Variants in TENM4 observed in about 807,000 individuals in gnomAD.
TENM4 encodes teneurin-4.
In TENM4, 82 loss-of-function variants were observed where a neutral mutation model predicts 243.3. The ratio of observed to expected loss-of-function variants is 0.34; its 90% CI spans 0.28 to 0.40. The LOEUF is 0.40. Ranked by LOEUF, TENM4 falls within the 10% of genes least tolerant of loss-of-function variation. The pLI, the probability that TENM4 is intolerant of heterozygous loss-of-function variation, is 1.00. For missense variants in TENM4, 3,138 were observed against 3,673.3 expected (o/e 0.85, Z 3.77); for synonymous variants, 1,412 against 1,456.3 (o/e 0.97, Z 0.69).
intron 4 of TENM4, among the ~76,000 whole-genome samples, chr11:79,123,370 G>C (rs186210283): frequency 5.7e-4 from 87 of 152,284 alleles, no homozygotes; most frequent in Non-Finnish European, 9.3e-4. Flanking sequence ...AAGTGATGGA[G>C]CTGGGGTTCA....
At chr11:78,777,516 A>G (rs998118128) in intron 17 of TENM4, among the ~76,000 whole-genome samples, 1 of 152,236 alleles carries the variant, frequency 6.6e-6, no homozygotes, top group African/African-American at 2.4e-5. Context: ...AATAAGAATA[A>G]GAATATGATG....
chr11:79,015,142 T>C (rs998809296), intron 6 of TENM4, among the ~76,000 whole-genome samples: 3 of 152,198 alleles, frequency 2.0e-5, no homozygotes, highest in African/African-American at 7.2e-5. Context: ...ACTAAGGACT[T>C]ACTGCCTGCC....
intron 1 of TENM4, among the ~76,000 whole-genome samples, chr11:79,382,978 C>T (rs1389062279): frequency 1.3e-5 from 2 of 152,268 alleles, no homozygotes; most frequent in East Asian, 3.9e-4. Flanking sequence ...TGCCTGTGGC[C>T]TCCTGGGTCT....
At chr11:78,852,201 A>G (rs137881426) in intron 12 of TENM4, among the ~76,000 whole-genome samples, 1 of 152,218 alleles carries the variant, frequency 6.6e-6, no homozygotes, top group Admixed American at 6.5e-5. Context: ...TAATTTCTAC[A>G]TCAGAGCTAG....
chr11:78,839,434 T>C (rs1565401094), intron 12 of TENM4, among the ~76,000 whole-genome samples: 1 of 152,206 alleles, frequency 6.6e-6, no homozygotes, highest in Non-Finnish European at 1.5e-5. Context: ...TCATTATATT[T>C]CATAAGTGGT....
At position 78,670,262 on chromosome 11, in the gene TENM4, G is replaced by A. The variant is rs1337892501; in HGVS notation, c.6083C>T (p.Thr2028Ile). 2 of 1,613,844 alleles carry A rather than the reference G, an allele frequency of 1.2e-6. No individual in the cohort carries two copies. Among genetic ancestry groups the A allele is most frequent in the Non-Finnish European group, 1.7e-6 (2 of 1,179,890 alleles). ...SKLAETLYDT[T>I]KVSFTYDETA... ...CTCGTCATAGGTGAAACTGACCTTG[G>A]TGGTGTCATAGAGCGTCTCTGCCAG... Residue 2028 changes from threonine (T) to isoleucine (I), a missense_variant, in exon 32 of 34, where the codon ACC becomes ATC. By Grantham distance (89) the Thr-to-Ile change is moderately conservative (BLOSUM62 -1). Around this residue, in one of 2 missense-constraint regions of TENM4, gnomAD observed 2,467 missense variants for 3,059.1 expected, o/e 0.81. Coordinates refer to ENST00000278550, the MANE Select transcript of TENM4 (RefSeq NM_001098816.3).
chr11:79,266,981 A>T (rs1855893990), intron 2 of TENM4, among the ~76,000 whole-genome samples: 1 of 152,188 alleles, frequency 6.6e-6, no homozygotes, highest in Non-Finnish European at 1.5e-5. Context: ...TGGATATCTT[A>T]TAGGAGTTTC....
chr11:79,295,418 G>A (rs1173420279), intron 2 of TENM4, among the ~76,000 whole-genome samples: 1 of 152,156 alleles, frequency 6.6e-6, no homozygotes, highest in East Asian at 1.9e-4. Flanking sequence ...ATTCTGCTGA[G>A]AGCCTGCAGT....
intron 3 of TENM4, among the ~76,000 whole-genome samples, chr11:79,183,378 T>C (rs1863320847): frequency 6.6e-6 from 1 of 152,148 alleles, no homozygotes; most frequent in Non-Finnish European, 1.5e-5. Context: ...AAAAGATCAG[T>C]GGTTGCCAGG....
At chr11:78,674,934 C>T (rs868784680) in intron 30 of TENM4, among the ~76,000 whole-genome samples, 6 of 151,864 alleles carry the variant, frequency 4.0e-5, no homozygotes, top group East Asian at 3.9e-4. Context: ...GGCGCGATCT[C>T]GGCTCATTGC....
At position 78,732,511 on chromosome 11, in the gene TENM4, T is replaced by A; in HGVS notation, c.2943A>T (p.Thr981=). Residue 981 remains threonine, a synonymous_variant, in exon 21 of 34, where the codon ACA becomes ACT. Coordinates refer to ENST00000278550, the MANE Select transcript of TENM4 (RefSeq NM_001098816.3). ...ATGGCAGCCACAGGGTGTGCTCCTG[T>A]GTGATGAAAGGTGCCCGCTCGAACC... ...ILRFERAPFI[T]QEHTLWLPWD... is the part of the protein sequence containing the mutation. 6.2e-7 allele frequency: 1 copy of A among 1,613,398 alleles called. No homozygotes were observed.
intron 1 of TENM4, among the ~76,000 whole-genome samples, chr11:79,335,756 C>T (rs568530778): frequency 6.6e-6 from 1 of 152,270 alleles, no homozygotes; most frequent in South Asian, 2.1e-4. Context: ...AAATGTTTTG[C>T]ACAAAGAGGA....
chr11:78,788,339 A>G (rs1054485543), intron 15 of TENM4, among the ~76,000 whole-genome samples: 2 of 152,238 alleles, frequency 1.3e-5, no homozygotes, highest in African/African-American at 4.8e-5. Flanking sequence ...CCTGCCAAGC[A>G]CATTACCTCA....
At chr11:79,359,817 C>T (rs1394297430) in intron 1 of TENM4, among the ~76,000 whole-genome samples, 2 of 152,048 alleles carry the variant, frequency 1.3e-5, no homozygotes, top group African/African-American at 4.8e-5. Context: ...GGTGGTATCC[C>T]CAGAGAGCTC....
chr11:79,131,256 A>G (rs979462448), intron 4 of TENM4, among the ~76,000 whole-genome samples: 2 of 152,324 alleles, frequency 1.3e-5, no homozygotes, highest in African/African-American at 2.4e-5. Flanking sequence ...GACGAAGGAA[A>G]GAATCTTAAG....
At chr11:79,423,072 TG>T (rs1858969540) in intron 1 of TENM4, among the ~76,000 whole-genome samples, 3 of 152,150 alleles carry the variant, frequency 2.0e-5, no homozygotes, top group Admixed American at 2.0e-4. Context: ...GCTGGGAGGC[TG>T]TCCTAAACCC....
chr11:78,989,697 G>A (rs1021030827), intron 6 of TENM4, among the ~76,000 whole-genome samples: 1 of 152,278 alleles, frequency 6.6e-6, no homozygotes, highest in South Asian at 2.1e-4. Flanking sequence ...GTCCCTGGAT[G>A]CTCCCTCTCT....
chr11:79,012,709 C>T lies in TENM4; in HGVS notation c.493+52029G>A, dbSNP rs149656413. On this transcript the variant is annotated intron_variant, in intron 6 of 33. Transcript: ENST00000278550. Reference sequence around the variant, plus strand: ...ATGTTTACTGAGTTTACAGCATATTCACCAGGGGTAGGTGCTCACTGGCCA... The same window carrying T: ...ATGTTTACTGAGTTTACAGCATATTTACCAGGGGTAGGTGCTCACTGGCCA... 4.9e-3 allele frequency among the ~76,000 whole-genome samples: 743 copies of T among 152,268 alleles called. 5 individuals carry two copies. The highest frequency in any genetic ancestry group is 7.0e-3 in the Non-Finnish European group (475 of 68,024).
rs183456182 is a variant in TENM4, at chr11:79,398,493, T to G, written c.-321+42016A>C. ...GCTTTGGTTTTCTCATCTATTCACATTATGGAAATACTAACAGTGGTAGCT... is the reference window on the plus strand; with the variant it reads ...GCTTTGGTTTTCTCATCTATTCACAGTATGGAAATACTAACAGTGGTAGCT... On this transcript the variant is annotated intron_variant, in intron 1 of 33. Coordinates refer to ENST00000278550, the MANE Select transcript of TENM4 (RefSeq NM_001098816.3). 1.6e-4 allele frequency among the ~76,000 whole-genome samples: 24 copies of G among 152,086 alleles called. No individual in the cohort carries two copies. The East Asian group carries it at 3.9e-3, about 25-fold the overall frequency.
Sources: allele counts gnomAD v4.1 joint callset (sites outside exome capture counted in the v4.1 genomes callset), GRCh38; gene constraint gnomAD v4.1.1; regional missense constraint gnomAD v4.1.1; transcripts MANE v1.5; gene names NCBI Gene and HGNC (gene_info 2026-07-23, HGNC 2026-07-21).